Variants in APAF1 observed in about 807,000 individuals in gnomAD.
APAF1 encodes the protein apoptotic protease-activating factor 1.
APAF1 carries 91 observed loss-of-function variants against 152.4 expected under a neutral mutation model. The observed-to-expected ratio is 0.60, with a 90% CI of 0.50 to 0.71. APAF1 has a LOEUF of 0.71. APAF1 is among the 30% of genes least tolerant of loss of function. APAF1 has a pLI of 0.00. For synonymous variants in APAF1, 484 were observed against 494.1 expected (o/e 0.98, Z 0.27); for missense variants, 1,283 against 1,472.0 (o/e 0.87, Z 2.10).
chr12:98,671,733 G>C lies in APAF1; in HGVS notation c.1793+14G>C. On this transcript the variant is annotated intron_variant, in intron 12 of 26. Transcript: ENST00000551964. ...CCTGGAATGGATGTAAGTAGGTTAG[G>C]AGAGAAACCAAAGGGAGTGGTGCGC... The C allele has an allele frequency of 6.2e-7, 1 of 1,613,330 alleles. No homozygotes were observed. Among genetic ancestry groups the C allele is most frequent in the Non-Finnish European group, 8.5e-7 (1 of 1,179,318 alleles).
Position 98,648,662 on chromosome 12 carries a change from A to G in APAF1, c.175A>G (p.Met59Val), listed in dbSNP as rs889297282. Reference protein sequence around the residue: ...QQQRAAMLIKMILKKDNDSYV... With the variant: ...QQQRAAMLIKVILKKDNDSYV... ...GCAAAGAGCAGCTATGCTGATTAAAATGATACTTAAAAAAGATAATGATTC... is the reference window on the plus strand; with the variant it reads ...GCAAAGAGCAGCTATGCTGATTAAAGTGATACTTAAAAAAGATAATGATTC... Residue 59 changes from methionine (M) to valine (V), a missense_variant, in exon 3 of 27, where the codon ATG becomes GTG. Transcript: ENST00000551964. The G allele has an allele frequency of 5.0e-6, 8 of 1,613,800 alleles. No individual in the cohort carries two copies. Among genetic ancestry groups the G allele is most frequent in the Middle Eastern group, 1.6e-4 (1 of 6,082 alleles).
At chr12:98,695,362 C>CCTTT (rs532047525) in intron 16 of APAF1, among the ~76,000 whole-genome samples, 1 of 141,826 alleles carries the variant, frequency 7.1e-6, no homozygotes. Flanking sequence ...CGCCCCCCCC[C>CCTTT]TTTTTTTTTT....
Position 98,712,335 on chromosome 12 carries a change from C to G in APAF1, c.2858C>G (p.Thr953Arg), listed in dbSNP as rs777065914. Residue 953 changes from threonine to arginine, a missense_variant, in exon 21 of 27, where the codon ACA becomes AGA. Transcript: ENST00000551964. ...TTTCATTAGCTCATTAATGGAAGAA[C>G]AGGTCAGATTGATTATCTGACTGAA... is the stretch of plus-strand genomic sequence containing the variant. ...IRRLQLINGR[T>R]GQIDYLTEAQ... 6.2e-7 allele frequency: 1 copy of G among 1,607,650 alleles called. No individual in the cohort carries two copies.
rs899459020 is a variant in APAF1, at chr12:98,683,388, C to T, written c.2178+114C>T. On this transcript the variant is annotated intron_variant, in intron 15 of 26. Coordinates refer to ENST00000551964, the MANE Select transcript of APAF1 (RefSeq NM_181861.2). ...GACTTTCTGGTCACAATGATAGAAACTACAATAATATATTAGCTGAAGCAA... is the reference window on the plus strand; with the variant it reads ...GACTTTCTGGTCACAATGATAGAAATTACAATAATATATTAGCTGAAGCAA... 2.3e-5 allele frequency: 24 copies of T among 1,065,308 alleles called. No individual in the cohort carries two copies. In the African/African-American group the frequency reaches 3.5e-4, roughly 15 times the overall value. The allele number at this position is 1,065,308 out of a possible 1,614,324, so 66.0% of individuals were successfully genotyped here.
intron 11 of APAF1, 132 bp downstream of exon 11, chr12:98,671,218 T>C: frequency 2.9e-6 from 2 of 695,188 alleles, no homozygotes; most frequent in Non-Finnish European, 2.4e-6. Flanking sequence ...GATTTTTGGT[T>C]ATTCTAATTA....
chr12:98,709,967 C>T (rs747259827), intron 20 of APAF1, among the ~76,000 whole-genome samples: 11 of 152,202 alleles, frequency 7.2e-5, no homozygotes, highest in Non-Finnish European at 1.5e-4. Context: ...CCTCCACCTC[C>T]TGGGTTCAAG....
intron 7 of APAF1, among the ~76,000 whole-genome samples, chr12:98,665,255 C>CATATATATATATAT (rs35804742): frequency 6.8e-4 from 67 of 97,864 alleles, no homozygotes; most frequent in African/African-American, 1.7e-3. Flanking sequence ...TAGACTGGCG[C>CATATATATATATAT]ATATATATAT....
intron 15 of APAF1, among the ~76,000 whole-genome samples, chr12:98,684,209 A>C (rs1011823874): frequency 6.6e-6 from 1 of 152,168 alleles, no homozygotes; most frequent in African/African-American, 2.4e-5. Context: ...TGAAACAGTT[A>C]TTGAAAATTG....
chr12:98,659,135 A>G, intron 4 of APAF1, 25 bp from the exon 5 acceptor site: 1 of 1,612,518 alleles, frequency 6.2e-7, no homozygotes, highest in African/African-American at 1.3e-5. Flanking sequence ...AAAGGCCTTA[A>G]GTTCATTATT....
intron 13 of APAF1, among the ~76,000 whole-genome samples, chr12:98,678,024 AGTACT>A (rs775421938): frequency 2.0e-3 from 310 of 152,312 alleles, no homozygotes; most frequent in South Asian, 5.2e-3. Flanking sequence ...AATATTAATG[AGTACT>A]TTTCTTTATG....
At chr12:98,675,955 A>T (rs1344551644) in intron 12 of APAF1, among the ~76,000 whole-genome samples, 1 of 152,218 alleles carries the variant, frequency 6.6e-6, no homozygotes, top group Non-Finnish European at 1.5e-5. Context: ...TTTAGAATAG[A>T]TACCATTACT....
At chr12:98,669,584 G>C (rs573450623) in intron 10 of APAF1, among the ~76,000 whole-genome samples, 2 of 152,110 alleles carry the variant, frequency 1.3e-5, no homozygotes, top group African/African-American at 4.8e-5. Flanking sequence ...CATTTATATA[G>C]AGTGACATGA....
At chr12:98,706,425 T>G in intron 18 of APAF1, 60 bp from the exon 19 acceptor site, 2 of 1,574,490 alleles carry the variant, frequency 1.3e-6, no homozygotes, top group Non-Finnish European at 1.7e-6. Flanking sequence ...TTTTCAATAT[T>G]TTTGCTCTCT....
At chr12:98,670,298 T>C (rs1424667318) in intron 10 of APAF1, among the ~76,000 whole-genome samples, 1 of 152,188 alleles carries the variant, frequency 6.6e-6, no homozygotes, top group Non-Finnish European at 1.5e-5. Flanking sequence ...ACTTTAAAAA[T>C]GGTAAATTTT....
At chr12:98,653,584 G>C (rs1446893059) in intron 4 of APAF1, among the ~76,000 whole-genome samples, 1 of 141,992 alleles carries the variant, frequency 7.0e-6, no homozygotes. Context: ...TTGAACATGG[G>C]AGGCAGAGGT....
Position 98,666,355 on chromosome 12 carries a change from C to T in APAF1, c.1360C>T (p.Gln454Ter), listed in dbSNP as rs780260260. ...FLTEKNCSQL[Q>*]DLHKKIITQF... is the part of the protein sequence containing the mutation. ...TACAGAGAAGAATTGCAGCCAGCTT[C>T]AGGTACTTGCATCTTGGTTTACTTT... Residue 454 changes from glutamine to a stop codon, truncating the protein, a stop_gained and splice_region_variant, in exon 9 of 27, where the codon CAG becomes TAG. Coordinates refer to ENST00000551964, the MANE Select transcript of APAF1 (RefSeq NM_181861.2). LOFTEE classifies it high-confidence loss of function. 4 of 1,610,796 alleles carry T rather than the reference C, an allele frequency of 2.5e-6. No individual in the cohort carries two copies. The highest frequency in any genetic ancestry group is 2.2e-5 in the South Asian group (2 of 89,626).
intron 4 of APAF1, among the ~76,000 whole-genome samples, chr12:98,655,604 A>C (rs2097656288): frequency 1.3e-5 from 2 of 152,028 alleles, no homozygotes; most frequent in South Asian, 4.1e-4. Flanking sequence ...CTTTCTCCTA[A>C]ATTCTTAATC....
intron 4 of APAF1, among the ~76,000 whole-genome samples, chr12:98,655,888 A>G (rs1209148488): frequency 6.6e-6 from 1 of 151,062 alleles, no homozygotes; most frequent in Non-Finnish European, 1.5e-5. Flanking sequence ...GGTTCACACC[A>G]TTCTCCTGCC....
intron 16 of APAF1, among the ~76,000 whole-genome samples, chr12:98,691,082 C>A (rs917183767): frequency 9.2e-5 from 14 of 152,214 alleles, no homozygotes; most frequent in African/African-American, 3.1e-4. Flanking sequence ...TGGCGCATGC[C>A]TGTAATCCCA....
Sources: gnomAD v4.1 joint callset for allele counts (sites outside exome capture counted in the v4.1 genomes callset) on GRCh38, gnomAD v4.1.1 for gene constraint, MANE v1.5 for transcripts, NCBI Gene and HGNC (gene_info 2026-07-23, HGNC 2026-07-21) for gene names.